The following NGEF variants were observed in gnomAD, a reference collection of about 807,000 sequenced individuals.
NGEF encodes ephexin-1.
NGEF carries 31 observed loss-of-function variants against 80.9 expected under a neutral mutation model. The observed-to-expected ratio is 0.38, with a 90% CI of 0.29 to 0.52. The LOEUF (loss-of-function observed/expected upper bound fraction) is 0.52, where lower values mean the gene tolerates loss of function less well. Ranked by LOEUF, NGEF falls within the 20% of genes least tolerant of loss-of-function variation. The pLI, the probability that NGEF is intolerant of heterozygous loss-of-function variation, is 0.84. For synonymous variants in NGEF, 371 were observed against 370.2 expected (o/e 1.00, Z -0.03); for missense variants, 709 against 926.2 (o/e 0.77, Z 3.04).
intron 1 of NGEF, among the ~76,000 whole-genome samples, chr2:232,984,239 C>T (rs1694491980): frequency 6.7e-6 from 1 of 149,794 alleles, no homozygotes; most frequent in Admixed American, 6.8e-5. Flanking sequence ...CACATACCAC[C>T]ATGCCTGGTT....
chr2:232,927,008 T>A, intron 4 of NGEF, 36 bp downstream of exon 4: 1 of 1,613,774 alleles, frequency 6.2e-7, no homozygotes, highest in Non-Finnish European at 8.5e-7. Context: ...GACCCGCGTT[T>A]CCCAAATAAA....
At chr2:232,912,660 G>T (rs1468283699) in intron 5 of NGEF, among the ~76,000 whole-genome samples, 1 of 152,168 alleles carries the variant, frequency 6.6e-6, no homozygotes, top group African/African-American at 2.4e-5. Flanking sequence ...TATTTTGAAA[G>T]ATTTTATGTA....
At chr2:232,901,043 C>A (rs1052165371) in intron 5 of NGEF, among the ~76,000 whole-genome samples, 1 of 152,242 alleles carries the variant, frequency 6.6e-6, no homozygotes, top group Non-Finnish European at 1.5e-5. Flanking sequence ...CAAGAGGTCA[C>A]AAAAGAGGAA....
In NGEF at chr2:232,977,759, A is replaced by G. The variant is rs570905132; in HGVS notation, c.-74-2795T>C. Among the ~76,000 whole-genome samples the G allele has an allele frequency of 2.0e-5, 3 of 152,146 alleles. No homozygotes were observed. In the South Asian group the frequency reaches 6.2e-4, roughly 32 times the overall value. On this transcript the variant is annotated intron_variant, in intron 1 of 14. Coordinates refer to ENST00000264051, the MANE Select transcript of NGEF (RefSeq NM_019850.3). ...TGGCCAGAGGGCCTGGCAGGCCCCG[A>G]GCAGGAGGCACAGGCGGGGTGGTGG...
At chr2:232,955,796 G>C (rs1303298296) in intron 3 of NGEF, among the ~76,000 whole-genome samples, 1 of 152,178 alleles carries the variant, frequency 6.6e-6, no homozygotes, top group Non-Finnish European at 1.5e-5. Context: ...TGGGATTATA[G>C]GCGTGAGCCA....
chr2:232,898,201 C>T (rs1255847644), intron 5 of NGEF, among the ~76,000 whole-genome samples: 3 of 152,236 alleles, frequency 2.0e-5, no homozygotes, highest in Non-Finnish European at 2.9e-5. Context: ...AAAACTGATA[C>T]GAATGATACC....
chr2:232,975,959 G>A (rs1027473850), intron 1 of NGEF, among the ~76,000 whole-genome samples: 7 of 152,172 alleles, frequency 4.6e-5, no homozygotes, highest in Non-Finnish European at 1.0e-4. Context: ...CTAGCACTTT[G>A]GGAGGCCGAG....
intron 3 of NGEF, among the ~76,000 whole-genome samples, chr2:232,962,073 C>T (rs913043702): frequency 6.6e-6 from 1 of 152,232 alleles, no homozygotes; most frequent in Non-Finnish European, 1.5e-5. Context: ...CAATATCCCT[C>T]TTTTACTTGA....
rs1559188136 is a variant in NGEF, at chr2:232,881,292, AC to A, written c.1838-43del. ...ACGGGCACATCCCCACCACCGCACT[AC>A]CCACCTGCACACTCCCACCAAGCCC... is the stretch of plus-strand genomic sequence containing the variant. On this transcript the variant is annotated intron_variant, in intron 13 of 14. Coordinates refer to ENST00000264051, the MANE Select transcript of NGEF (RefSeq NM_019850.3). The A allele has an allele frequency of 4.7e-6, 7 of 1,476,000 alleles. No homozygotes were observed. In the South Asian group the frequency reaches 6.8e-5, roughly 14 times the overall value. 91.4% of individuals were successfully genotyped at this position (1,476,000 alleles called of 1,614,324 possible). A position where few individuals can be genotyped will look rare whatever the true frequency, so the allele number is the denominator to read the frequency against.
At chr2:232,895,777 C>G (rs1437030598) in intron 5 of NGEF, among the ~76,000 whole-genome samples, 1 of 152,156 alleles carries the variant, frequency 6.6e-6, no homozygotes, top group Non-Finnish European at 1.5e-5. Context: ...GAACATATAT[C>G]ATGGTCTGAT....
Position 232,986,774 on chromosome 2 carries a change from G to GA in NGEF, c.-74-11811dup, listed in dbSNP as rs970081011. On this transcript the variant is annotated intron_variant, in intron 1 of 14. Transcript: ENST00000264051. Reference sequence around the variant, plus strand: ...AATTATAAGATGAACAAGTTCTGGGGATCTAACATATAGCACAGGTGGTGA... The same window carrying GA: ...AATTATAAGATGAACAAGTTCTGGGGAATCTAACATATAGCACAGGTGGTGA... Among the ~76,000 whole-genome samples the GA allele has an allele frequency of 5.3e-5, 8 of 152,116 alleles. No individual in the cohort carries two copies. In the South Asian group the frequency reaches 6.2e-4, roughly 12 times the overall value.
In NGEF at chr2:232,906,167, T is replaced by TG. The variant is rs1438842018; in HGVS notation, c.829-11252dup. Among the ~76,000 whole-genome samples the TG allele has an allele frequency of 1.6e-3, 89 of 55,064 alleles. 1 individual carries two copies. The highest frequency in any genetic ancestry group is 2.9e-3 in the South Asian group (4 of 1,388). The allele number at this position is 55,064 out of a possible 152,430, so 36.1% of individuals were successfully genotyped here. A position where few individuals can be genotyped will look rare whatever the true frequency, so the allele number is the denominator to read the frequency against. ...CCACCCGCCCCGTCCGGGAGGGAGG[T>TG]GGGGGGGTCAGCCCCCCGCCTGGCC... On this transcript the variant is annotated intron_variant, in intron 5 of 14. Transcript: ENST00000264051.
At chr2:233,000,500 CCAA>C (rs1333658341) in intron 1 of NGEF, among the ~76,000 whole-genome samples, 1 of 151,894 alleles carries the variant, frequency 6.6e-6, no homozygotes, top group Non-Finnish European at 1.5e-5. Flanking sequence ...GCCTGTAATG[CCAA>C]TCCCAGCACT....
chr2:232,920,398 C>A lies in NGEF; in HGVS notation c.714G>T (p.Gln238His), dbSNP rs761267991. 1.4e-5 allele frequency: 23 copies of A among 1,613,970 alleles called. No individual in the cohort carries two copies. The highest frequency in any genetic ancestry group is 1.9e-5 in the Non-Finnish European group (23 of 1,180,006). The change falls in exon 5 of 15, where the codon CAG (glutamine) becomes CAT (histidine). Residue 238 changes from glutamine to histidine, a missense_variant. Physicochemically the swap from Gln to His is conservative, Grantham distance 24. Coordinates refer to ENST00000264051, the MANE Select transcript of NGEF (RefSeq NM_019850.3). ...ASPPERKTLPQICLLSNPHSR... is the reference protein window; with the variant it reads ...ASPPERKTLPHICLLSNPHSR... ...AGTGGGGGTTACTGAGCAGGCAGAT[C>A]TGGGGCAGAGTCTTCCTCTCTGGTG... is the stretch of plus-strand genomic sequence containing the variant.
chr2:232,998,920 C>A (rs1343709237), intron 1 of NGEF, among the ~76,000 whole-genome samples: 1 of 152,188 alleles, frequency 6.6e-6, no homozygotes, highest in Non-Finnish European at 1.5e-5. Flanking sequence ...AATATGGGGT[C>A]CTCAGTGGGT....
intron 5 of NGEF, among the ~76,000 whole-genome samples, chr2:232,909,435 ATT>A (rs60593507): frequency 6.6e-6 from 1 of 151,824 alleles, no homozygotes; most frequent in African/African-American, 2.4e-5. Context: ...GTTTTATGTA[ATT>A]TTTTTTTACC....
intron 3 of NGEF, chr2:232,928,027 G>T: frequency 8.4e-7 from 1 of 1,193,224 alleles, no homozygotes; most frequent in Non-Finnish European, 1.0e-6. Flanking sequence ...GGGTGCGGGG[G>T]CCGGGTCGGG....
chr2:232,881,371 C>A, intron 13 of NGEF, 121 bp from the exon 14 acceptor site: 1 of 710,438 alleles, frequency 1.4e-6, no homozygotes, highest in South Asian at 1.7e-5. Flanking sequence ...TGGAGAAGGG[C>A]TCGTCTGAGG....
At chr2:232,943,566 G>C (rs1231397856) in intron 3 of NGEF, among the ~76,000 whole-genome samples, 3 of 150,116 alleles carry the variant, frequency 2.0e-5, no homozygotes, top group Non-Finnish European at 3.0e-5. Flanking sequence ...CGCGATCTCG[G>C]CTCACTGCAA....
Sources: allele counts gnomAD v4.1 joint callset (sites outside exome capture counted in the v4.1 genomes callset), GRCh38; gene constraint gnomAD v4.1.1; transcripts MANE v1.5; gene names NCBI Gene and HGNC (gene_info 2026-07-23, HGNC 2026-07-21).